The following ATAD1 variants were observed in gnomAD, a reference collection of about 807,000 sequenced individuals.
The protein encoded by ATAD1 is outer mitochondrial transmembrane helix translocase.
ATAD1 carries 18 observed loss-of-function variants against 42.7 expected under a neutral mutation model. The ratio of observed to expected loss-of-function variants is 0.42; its 90% CI spans 0.29 to 0.63. ATAD1 has a LOEUF of 0.63. ATAD1 is among the 20% of genes least tolerant of loss of function. The probability of loss-of-function intolerance (pLI) is 0.19; values close to 1 mark genes in which losing one functional copy is unlikely to be tolerated. For missense variants in ATAD1, 294 were observed against 440.4 expected (o/e 0.67, Z 2.98); for synonymous variants, 132 against 143.1 (o/e 0.92, Z 0.55).
At chr10:87,756,754 T>A in intron 9 of ATAD1, 35 bp downstream of exon 9, 1 of 1,510,138 alleles carries the variant, frequency 6.6e-7, no homozygotes, top group Non-Finnish European at 8.9e-7. Flanking sequence ...TAAAAGATTT[T>A]GACAAGTGTT....
intron 8 of ATAD1, among the ~76,000 whole-genome samples, chr10:87,761,193 AT>A (rs1431138887): frequency 6.6e-6 from 1 of 152,180 alleles, no homozygotes; most frequent in African/African-American, 2.4e-5. Flanking sequence ...AATTAAATTA[AT>A]TTTCTTCAGA....
At chr10:87,805,687 T>G (rs774953777) in intron 2 of ATAD1, among the ~76,000 whole-genome samples, 6 of 152,034 alleles carry the variant, frequency 3.9e-5, no homozygotes, top group African/African-American at 7.2e-5. Context: ...CAACCCCTCC[T>G]GATTCTTCTG....
intron 2 of ATAD1, among the ~76,000 whole-genome samples, chr10:87,794,533 T>C (rs1856288724): frequency 6.6e-6 from 1 of 152,204 alleles, no homozygotes; most frequent in Non-Finnish European, 1.5e-5. Context: ...TGGCAAAGTC[T>C]GGAAATACTT....
intron 2 of ATAD1, among the ~76,000 whole-genome samples, chr10:87,797,330 A>G (rs1386250160): frequency 6.6e-6 from 1 of 152,050 alleles, no homozygotes; most frequent in Non-Finnish European, 1.5e-5. Flanking sequence ...GAAAGAAAAA[A>G]AAACAAAAAC....
At position 87,790,389 on chromosome 10, in the gene ATAD1, C is replaced by T. The variant is rs767153294; in HGVS notation, c.303G>A (p.Thr101=). 18 of 1,612,048 alleles carry T rather than the reference C, an allele frequency of 1.1e-5. No homozygotes were observed. The highest frequency in any genetic ancestry group is 5.0e-5 in the Admixed American group (3 of 59,530). ...GTAAGATGACTGTGTCTTTCAGATC[C>T]GTAATGACATCATCTAAACCTGCTA... ...SDIAGLDDVI[T]DLKDTVILPI... is the part of the protein sequence containing the mutation. The change falls in exon 4 of 10, where the codon ACG becomes ACA. Residue 101 remains threonine (T), a synonymous_variant. Transcript: ENST00000680024.
intron 6 of ATAD1, 80 bp from the exon 7 acceptor site, chr10:87,771,121 T>A: frequency 2.8e-6 from 3 of 1,081,490 alleles, no homozygotes; most frequent in Non-Finnish European, 4.0e-6. Flanking sequence ...GGCTTAGTTT[T>A]AAAAATTAAG....
In ATAD1 at chr10:87,756,826, AGAG is replaced by A. The variant is rs755716955; in HGVS notation, c.925_927del (p.Leu309del). 1.2e-6 allele frequency: 2 copies of A among 1,611,858 alleles called. No individual in the cohort carries two copies. Among genetic ancestry groups the A allele is most frequent in the African/African-American group, 2.7e-5 (2 of 74,842 alleles). ...GTAGAATTAACATATTCTCTAACAC[AGAG>A]GAGGGCAGCATCTCGACACATCTCT... On this transcript the variant is annotated inframe_deletion, in exon 9 of 10. Coordinates refer to ENST00000680024, the MANE Select transcript of ATAD1 (RefSeq NM_001321967.2).
rs1470602790 is a variant in ATAD1, at chr10:87,754,761, G to A, written c.1012C>T (p.Arg338Trp). 3.7e-6 allele frequency: 6 copies of A among 1,613,434 alleles called. No individual in the cohort carries two copies. The highest frequency in any genetic ancestry group is 2.2e-5 in the East Asian group (1 of 44,838). The part of the protein sequence containing the change: ...IRPVQQQDLH[R>W]AIEKMKKSKD... ...GATTTCTTCATCTTTTCAATTGCCC[G>A]ATGCAGGTCCTGCTGTTGAACAGGC... The change falls in exon 10 of 10, where the codon CGG becomes TGG. Residue 338 changes from arginine (R) to tryptophan (W), a missense_variant. Coordinates refer to ENST00000680024, the MANE Select transcript of ATAD1 (RefSeq NM_001321967.2).
At chr10:87,802,047 C>G (rs1796658616) in intron 2 of ATAD1, among the ~76,000 whole-genome samples, 2 of 152,270 alleles carry the variant, frequency 1.3e-5, no homozygotes, top group African/African-American at 4.8e-5. Flanking sequence ...AAATTTGGAG[C>G]ATATTTGTTT....
intron 2 of ATAD1, among the ~76,000 whole-genome samples, chr10:87,812,575 T>G (rs184442667): frequency 1.2e-4 from 19 of 152,280 alleles, no homozygotes; most frequent in Admixed American, 1.2e-3. Context: ...AACAGCATGT[T>G]TAACAGCTGG....
At chr10:87,801,429 G>A (rs745892046) in intron 2 of ATAD1, among the ~76,000 whole-genome samples, 2 of 151,986 alleles carry the variant, frequency 1.3e-5, no homozygotes, top group Admixed American at 6.6e-5. Context: ...AATTACACAG[G>A]AAACATTGTC....
At chr10:87,796,453 C>T (rs529516756) in intron 2 of ATAD1, among the ~76,000 whole-genome samples, 3 of 152,258 alleles carry the variant, frequency 2.0e-5, no homozygotes, top group African/African-American at 7.2e-5. Flanking sequence ...ACCTGGAAGC[C>T]CCCTCCCTGC....
chr10:87,767,795 A>C (rs1188546070), intron 7 of ATAD1, 72 bp from the exon 8 acceptor site: 106 of 1,438,642 alleles, frequency 7.4e-5, no homozygotes, highest in Non-Finnish European at 9.7e-5. Context: ...AGTGTTCCTA[A>C]TATTTTGTCC....
chr10:87,797,490 C>A (rs1395720613), intron 2 of ATAD1, among the ~76,000 whole-genome samples: 1 of 152,144 alleles, frequency 6.6e-6, no homozygotes, highest in Non-Finnish European at 1.5e-5. Context: ...GACTTGAACC[C>A]ATTAAAAGAA....
chr10:87,758,365 A>G (rs191595129), intron 8 of ATAD1, among the ~76,000 whole-genome samples: 148 of 152,274 alleles, frequency 9.7e-4, no homozygotes, highest in Admixed American at 9.5e-3. Flanking sequence ...AATAAAGAAT[A>G]CAAGAGCAGT....
intron 1 of ATAD1, among the ~76,000 whole-genome samples, chr10:87,837,569 C>A (rs1857952102): frequency 6.6e-6 from 1 of 152,144 alleles, no homozygotes; most frequent in South Asian, 2.1e-4. Flanking sequence ...AGGTTATAAT[C>A]AACTTAACTA....
intron 4 of ATAD1, among the ~76,000 whole-genome samples, chr10:87,786,925 A>G (rs12572346): frequency 0.29 from 44,442 of 151,706 alleles, 6,699 homozygotes; most frequent in Middle Eastern, 0.31. Context: ...ATTGCACTCC[A>G]GGGTGGGCAA....
At chr10:87,773,071 T>C (rs1157077963) in intron 6 of ATAD1, among the ~76,000 whole-genome samples, 1 of 152,270 alleles carries the variant, frequency 6.6e-6, no homozygotes, top group East Asian at 1.9e-4. Context: ...GCTTAATACC[T>C]GGGTATGAAA....
chr10:87,792,799 G>T, intron 2 of ATAD1, 44 bp from the exon 3 acceptor site: 1 of 1,403,300 alleles, frequency 7.1e-7, no homozygotes, highest in South Asian at 1.2e-5. Context: ...TTGATATTTA[G>T]ATACTGGCAC....
Sources: allele counts gnomAD v4.1 joint callset (sites outside exome capture counted in the v4.1 genomes callset), GRCh38; gene constraint gnomAD v4.1.1; transcripts MANE v1.5; gene names NCBI Gene and HGNC (gene_info 2026-07-23, HGNC 2026-07-21).